The following TMC5 variants were observed in gnomAD, a reference collection of about 807,000 sequenced individuals.
TMC5 encodes transmembrane channel like 5, also known as transmembrane channel-like protein 5.
Under a neutral mutation model 110.5 loss-of-function variants are expected in TMC5, and 86 were observed. The ratio of observed to expected loss-of-function variants is 0.78; its 90% CI spans 0.65 to 0.93. The LOEUF (loss-of-function observed/expected upper bound fraction) is 0.93, where lower values mean the gene tolerates loss of function less well. Among genes scored for constraint, TMC5 ranks in the 40% least tolerant of loss-of-function variants. The probability of loss-of-function intolerance (pLI) is 0.00; values close to 1 mark genes in which losing one functional copy is unlikely to be tolerated. For missense variants in TMC5, 1,144 were observed against 1,222.8 expected (o/e 0.94, Z 0.96); for synonymous variants, 455 against 439.5 (o/e 1.04, Z -0.44).
chr16:19,487,136 G>T, intron 16 of TMC5, 57 bp from the exon 17 acceptor site: 1 of 1,604,240 alleles, frequency 6.2e-7, no homozygotes. Context: ...GCCTGGCTGG[G>T]GTCCCTCTGC....
intron 17 of TMC5, among the ~76,000 whole-genome samples, chr16:19,490,119 C>A (rs1032592038): frequency 6.6e-6 from 1 of 152,116 alleles, no homozygotes; most frequent in African/African-American, 2.4e-5. Context: ...AGTCTGACTG[C>A]CCCCATTCAT....
chr16:19,471,950 G>A (rs1369487831), intron 10 of TMC5, 138 bp from the exon 11 acceptor site: 14 of 771,962 alleles, frequency 1.8e-5, no homozygotes, highest in South Asian at 1.7e-4. Context: ...TGGTAGAGGC[G>A]GGGTTTCACC....
At chr16:19,418,322 A>C (rs776605243) in intron 1 of TMC5, among the ~76,000 whole-genome samples, 2 of 152,110 alleles carry the variant, frequency 1.3e-5, no homozygotes, top group Non-Finnish European at 2.9e-5. Context: ...TATCTGCTTG[A>C]GTTGGAATCT....
chr16:19,482,139 A>G (rs1267520428), intron 15 of TMC5, among the ~76,000 whole-genome samples: 2 of 152,152 alleles, frequency 1.3e-5, no homozygotes, highest in African/African-American at 4.8e-5. Context: ...GGCTCACTGC[A>G]ACCTCCGCCT....
intron 8 of TMC5, among the ~76,000 whole-genome samples, chr16:19,464,653 A>G (rs558479789): frequency 2.6e-5 from 4 of 152,064 alleles, no homozygotes; most frequent in African/African-American, 9.6e-5. Flanking sequence ...TTTTTTACTT[A>G]GCAATATGTG....
chr16:19,441,788 T>G (rs1384419476), intron 3 of TMC5, among the ~76,000 whole-genome samples: 1 of 152,112 alleles, frequency 6.6e-6, no homozygotes, highest in Non-Finnish European at 1.5e-5. Flanking sequence ...TTGTTGTTTT[T>G]TATTTATTTA....
In TMC5 at chr16:19,419,299, CTGTTGT is replaced by C. The variant is rs138192335; in HGVS notation, c.-308+1212_-308+1217del. On this transcript the variant is annotated intron_variant, in intron 1 of 21. Transcript: ENST00000542583. ...AATAGTGCTGTCTTCATGCTTATTA[CTGTTGT>C]TGTTATTATTATTAACTTATTATTA... Among the ~76,000 whole-genome samples, 1,462 of 150,278 alleles carry C rather than the reference CTGTTGT, an allele frequency of 9.7e-3. 30 individuals carry two copies. Among genetic ancestry groups the C allele is most frequent in the African/African-American group, 0.034 (1,402 of 40,820 alleles).
At chr16:19,479,375 G>A in intron 13 of TMC5, 56 bp from the exon 14 acceptor site, 1 of 1,292,380 alleles carries the variant, frequency 7.7e-7, no homozygotes, top group Non-Finnish European at 1.1e-6. Flanking sequence ...GAACAGAGGA[G>A]AATTGAGCTG....
At chr16:19,435,745 G>T (rs74013775) in intron 2 of TMC5, among the ~76,000 whole-genome samples, 1 of 151,992 alleles carries the variant, frequency 6.6e-6, no homozygotes, top group Non-Finnish European at 1.5e-5. Flanking sequence ...TACTTTGCCT[G>T]CTTTTGAACT....
At chr16:19,446,922 C>G (rs8058232) in intron 4 of TMC5, among the ~76,000 whole-genome samples, 9,837 of 152,138 alleles carry the variant, frequency 0.065, 733 homozygotes, top group African/African-American at 0.18. Flanking sequence ...TAAGGAGAAC[C>G]TGTATTCATC....
chr16:19,480,378 C>G (rs1968588477), intron 14 of TMC5, among the ~76,000 whole-genome samples: 1 of 152,060 alleles, frequency 6.6e-6, no homozygotes, highest in Non-Finnish European at 1.5e-5. Flanking sequence ...TGTATTTCCG[C>G]AAGCTGCTCT....
intron 20 of TMC5, among the ~76,000 whole-genome samples, chr16:19,496,325 A>G (rs1443034900): frequency 6.6e-6 from 1 of 152,186 alleles, no homozygotes; most frequent in Non-Finnish European, 1.5e-5. Context: ...CTAATTCCAA[A>G]GCCTTGCTTG....
chr16:19,464,844 GT>G (rs1251178019), intron 8 of TMC5, among the ~76,000 whole-genome samples: 1 of 149,290 alleles, frequency 6.7e-6, no homozygotes, highest in Non-Finnish European at 1.5e-5. Flanking sequence ...TTTGTAGACT[GT>G]TTTTTTCTTC....
At chr16:19,416,533 G>A (rs1216576499), upstream of TMC5, among the ~76,000 whole-genome samples, 2 of 152,178 alleles carry the variant, frequency 1.3e-5, no homozygotes, top group Admixed American at 1.3e-4. Context: ...AACTGATGTA[G>A]CCCTTATCAA....
intron 2 of TMC5, among the ~76,000 whole-genome samples, chr16:19,432,985 CTT>C (rs1254676900): frequency 1.6e-4 from 24 of 151,456 alleles, no homozygotes; most frequent in Admixed American, 1.4e-3. Context: ...GTATGGATAT[CTT>C]TGTGTGTATA....
chr16:19,423,971 C>T (rs1567296243), intron 1 of TMC5, among the ~76,000 whole-genome samples: 1 of 152,178 alleles, frequency 6.6e-6, no homozygotes, highest in Non-Finnish European at 1.5e-5. Flanking sequence ...CCAGGCTTGT[C>T]TCAAACTCCT....
At chr16:19,468,145 T>G (rs1288349423) in intron 9 of TMC5, among the ~76,000 whole-genome samples, 2 of 152,074 alleles carry the variant, frequency 1.3e-5, no homozygotes, top group Non-Finnish European at 2.9e-5. Flanking sequence ...CAGCTAATTT[T>G]TCTATTTTTA....
chr16:19,439,146 A>C (rs1567302610), intron 2 of TMC5, among the ~76,000 whole-genome samples: 1 of 152,222 alleles, frequency 6.6e-6, no homozygotes, highest in Non-Finnish European at 1.5e-5. Flanking sequence ...CATTATGTAC[A>C]GAGAAATCTT....
At position 19,456,381 on chromosome 16, in the gene TMC5, C is replaced by T. The variant is rs186115490; in HGVS notation, c.1049-3854C>T. The T allele has an allele frequency of 1.4e-4, 120 of 874,794 alleles. No homozygotes were observed. The East Asian group carries it at 2.4e-3, about 17-fold the overall frequency. 54.2% of individuals were successfully genotyped at this position (874,794 alleles called of 1,614,324 possible). ...ATGAGTCATTTAGAAAAATATCTTC[C>T]TTCTGTTTCTAGAATCCCATTGTCT... On this transcript the variant is annotated intron_variant, in intron 5 of 21. Coordinates refer to ENST00000542583, the MANE Select transcript of TMC5 (RefSeq NM_001261841.2).
Sources: gnomAD v4.1 joint callset for allele counts (sites outside exome capture counted in the v4.1 genomes callset) on GRCh38, gnomAD v4.1.1 for gene constraint, MANE v1.5 for transcripts, NCBI Gene and HGNC (gene_info 2026-07-23, HGNC 2026-07-21) for gene names.